The following BTBD9 variants were observed in gnomAD, a reference collection of about 807,000 sequenced individuals.
BTBD9 encodes BTB/POZ domain-containing protein 9.
In BTBD9, 49 loss-of-function variants were observed where a neutral mutation model predicts 64.3. That is an observed-to-expected ratio of 0.76 (90% confidence interval 0.61 to 0.97). The LOEUF (loss-of-function observed/expected upper bound fraction) is 0.97, where lower values mean the gene tolerates loss of function less well. BTBD9 is among the 50% of genes least tolerant of loss of function. The probability of loss-of-function intolerance (pLI) is 0.00; values close to 1 mark genes in which losing one functional copy is unlikely to be tolerated. For synonymous variants in BTBD9, 260 were observed against 274.7 expected (o/e 0.95, Z 0.53); for missense variants, 598 against 762.1 (o/e 0.78, Z 2.53).
chr6:38,383,660 C>A (rs1766031792), intron 6 of BTBD9, among the ~76,000 whole-genome samples: 1 of 152,002 alleles, frequency 6.6e-6, no homozygotes, highest in Non-Finnish European at 1.5e-5. Context: ...GTAAAGAAGA[C>A]CAAAGTAAAT....
chr6:38,399,666 T>C (rs1162716250), intron 6 of BTBD9, among the ~76,000 whole-genome samples: 1 of 152,168 alleles, frequency 6.6e-6, no homozygotes, highest in Non-Finnish European at 1.5e-5. Context: ...CATAGCTGCC[T>C]AGAATAAAGG....
At chr6:38,420,560 T>C (rs971959498) in intron 6 of BTBD9, among the ~76,000 whole-genome samples, 1 of 151,808 alleles carries the variant, frequency 6.6e-6, no homozygotes, top group African/African-American at 2.4e-5. Context: ...TTAAAAAAAA[T>C]AATAATAACA....
chr6:38,411,297 C>T (rs1430668273), intron 6 of BTBD9, among the ~76,000 whole-genome samples: 1 of 152,180 alleles, frequency 6.6e-6, no homozygotes, highest in Non-Finnish European at 1.5e-5. Context: ...GATATTAAAA[C>T]ATGTTATAAA....
At chr6:38,630,941 A>T (rs568846892) in intron 1 of BTBD9, among the ~76,000 whole-genome samples, 12 of 152,326 alleles carry the variant, frequency 7.9e-5, no homozygotes, top group African/African-American at 2.4e-4. Context: ...ATGGAAATTG[A>T]AACACGTGCC....
intron 1 of BTBD9, among the ~76,000 whole-genome samples, chr6:38,623,639 G>A (rs1323628901): frequency 1.3e-5 from 2 of 152,196 alleles, no homozygotes; most frequent in African/African-American, 4.8e-5. Context: ...ACAGGAAAAG[G>A]CTTCTGAAAT....
chr6:38,521,863 C>A (rs1376964317), intron 6 of BTBD9, among the ~76,000 whole-genome samples: 1 of 152,014 alleles, frequency 6.6e-6, no homozygotes, highest in Non-Finnish European at 1.5e-5. Flanking sequence ...TTAGTAGAGA[C>A]CAGGTTTCAC....
intron 10 of BTBD9, among the ~76,000 whole-genome samples, chr6:38,178,745 G>T (rs1289090252): frequency 6.6e-6 from 1 of 151,230 alleles, no homozygotes; most frequent in African/African-American, 2.4e-5. Context: ...GCAGCAGGGT[G>T]TGGGGGGGAG....
At chr6:38,539,952 G>A (rs1396023812) in intron 6 of BTBD9, among the ~76,000 whole-genome samples, 1 of 152,158 alleles carries the variant, frequency 6.6e-6, no homozygotes, top group Non-Finnish European at 1.5e-5. Context: ...TAGGTGGTTG[G>A]ATTACCGATC....
At chr6:38,583,172 C>A (rs1776369614) in intron 4 of BTBD9, among the ~76,000 whole-genome samples, 1 of 152,188 alleles carries the variant, frequency 6.6e-6, no homozygotes, top group African/African-American at 2.4e-5. Context: ...ATCCCTGGAA[C>A]CATCTCCTGC....
intron 9 of BTBD9, among the ~76,000 whole-genome samples, chr6:38,205,871 GTC>G (rs1453678551): frequency 1.6e-3 from 22 of 13,974 alleles, no homozygotes; most frequent in Non-Finnish European, 2.8e-3. Flanking sequence ...GAGAGCAGGA[GTC>G]TGTCTCAAAA....
At chr6:38,467,710 C>T (rs1287595284) in intron 6 of BTBD9, among the ~76,000 whole-genome samples, 1 of 152,180 alleles carries the variant, frequency 6.6e-6, no homozygotes, top group East Asian at 1.9e-4. Flanking sequence ...CATCAAAATG[C>T]TTTTTCCTCC....
At chr6:38,194,540 T>C (rs1762209076) in intron 9 of BTBD9, among the ~76,000 whole-genome samples, 1 of 152,212 alleles carries the variant, frequency 6.6e-6, no homozygotes, top group African/African-American at 2.4e-5. Context: ...GCTCAATGCC[T>C]GTCAAATATC....
At chr6:38,178,844 C>CTATTTATT (rs148021128) in intron 10 of BTBD9, among the ~76,000 whole-genome samples, 25 of 151,442 alleles carry the variant, frequency 1.7e-4, no homozygotes, top group East Asian at 1.2e-3. Context: ...ACAAAGGAGG[C>CTATTTATT]TATTTATTTA....
chr6:38,277,450 T>G (rs4711529), intron 8 of BTBD9, among the ~76,000 whole-genome samples: 1 of 151,770 alleles, frequency 6.6e-6, no homozygotes, highest in East Asian at 1.9e-4. Context: ...TCTCTTGCCT[T>G]GGCCTCCTGA....
chr6:38,293,569 A>G (rs1157776526), intron 7 of BTBD9, among the ~76,000 whole-genome samples: 1 of 152,238 alleles, frequency 6.6e-6, no homozygotes, highest in Non-Finnish European at 1.5e-5. Context: ...CAACGGGGAA[A>G]GGATTCCCTA....
chr6:38,377,574 G>A (rs927561081), intron 6 of BTBD9, among the ~76,000 whole-genome samples: 1 of 152,110 alleles, frequency 6.6e-6, no homozygotes, highest in Non-Finnish European at 1.5e-5. Flanking sequence ...ATGCACAGGT[G>A]CATACAGGCA....
chr6:38,551,354 C>G (rs1460465728), intron 6 of BTBD9, among the ~76,000 whole-genome samples: 1 of 152,150 alleles, frequency 6.6e-6, no homozygotes, highest in Non-Finnish European at 1.5e-5. Context: ...TGAACTAGCA[C>G]AGTGTACACT....
At chr6:38,473,999 A>G (rs1466059469) in intron 6 of BTBD9, among the ~76,000 whole-genome samples, 3 of 152,172 alleles carry the variant, frequency 2.0e-5, no homozygotes, top group Non-Finnish European at 4.4e-5. Context: ...AGGAAAATGC[A>G]CAAAAGGCCA....
At chr6:38,454,614 T>C (rs950995784) in intron 6 of BTBD9, among the ~76,000 whole-genome samples, 16 of 151,430 alleles carry the variant, frequency 1.1e-4, no homozygotes, top group Admixed American at 2.6e-4. Flanking sequence ...CTGGGCAACA[T>C]AGTAAGACCC....
Sources: allele counts gnomAD v4.1 joint callset (sites outside exome capture counted in the v4.1 genomes callset), GRCh38; gene constraint gnomAD v4.1.1; transcripts MANE v1.5; gene names NCBI Gene and HGNC (gene_info 2026-07-23, HGNC 2026-07-21).